The following DCX variants were observed in gnomAD, a reference collection of about 807,000 sequenced individuals.
The protein encoded by DCX is neuronal migration protein doublecortin.
In DCX, 4 loss-of-function variants were observed where a neutral mutation model predicts 20.9. The observed-to-expected ratio is 0.19, with a 90% confidence interval of 0.09 to 0.44. The LOEUF (loss-of-function observed/expected upper bound fraction) is 0.44, where lower values mean the gene tolerates loss of function less well. Ranked by LOEUF, DCX falls within the 20% of genes least tolerant of loss-of-function variation. DCX has a pLI of 0.99. For synonymous variants in DCX, 103 were observed against 111.4 expected (o/e 0.92, Z 0.47); for missense variants, 133 against 296.9 (o/e 0.45, Z 4.06).
intron 6 of DCX, among the ~76,000 whole-genome samples, chrX:111,310,006 T>A (rs914461366): frequency 1.8e-5 from 2 of 112,397 alleles, no homozygotes; most frequent in African/African-American, 6.5e-5. Context: ...TAAAGGGGCA[T>A]AATGTTTGCC....
chrX:111,333,660 GA>G (rs1452407877), intron 3 of DCX, among the ~76,000 whole-genome samples: 1 of 111,967 alleles, frequency 8.9e-6, no homozygotes, highest in African/African-American at 3.2e-5. Flanking sequence ...CACAAAAATT[GA>G]ACTTTTGCTA....
chrX:111,408,632 G>GAGAA (rs61699743), intron 2 of DCX, among the ~76,000 whole-genome samples: 16,107 of 77,858 alleles, frequency 0.21, 1,783 homozygotes, highest in East Asian at 0.27. Context: ...AGAAAGAAAA[G>GAGAA]AGAAAGAAAG....
intron 3 of DCX, among the ~76,000 whole-genome samples, chrX:111,346,322 T>C (rs1470999734): frequency 8.9e-6 from 1 of 112,134 alleles, no homozygotes; most frequent in Non-Finnish European, 1.9e-5. Context: ...AGACAACAGA[T>C]GAAAAGGATA....
Position 111,301,287 on chromosome X carries a change from G to GTT in DCX, c.*398_*399dup. The GTT allele has an allele frequency of 5.1e-5, 8 of 155,601 alleles. No individual in the cohort carries two copies. Among genetic ancestry groups the GTT allele is most frequent in the South Asian group, 1.6e-4 (1 of 6,265 alleles). The allele number at this position is 155,601 out of a possible 1,213,427, so 12.8% of individuals were successfully genotyped here. On this transcript the variant is annotated 3_prime_UTR_variant, in exon 7 of 7. Coordinates refer to ENST00000636035, the MANE Select transcript of DCX (RefSeq NM_001195553.2). ...TTGTCATTCTTGGATCTGCCAATGA[G>GTT]TTTTTTTTTTCCCACACAAACATTT...
Position 111,400,524 on chromosome X carries a change from G to A in DCX, c.705+466C>T, listed in dbSNP as rs775038203. Among the ~76,000 whole-genome samples the A allele has an allele frequency of 8.9e-5, 10 of 112,356 alleles. No individual in the cohort carries two copies. The East Asian group carries it at 1.4e-3, about 16-fold the overall frequency. On this transcript the variant is annotated intron_variant, in intron 3 of 6. Transcript: ENST00000636035. ...AGCCAGAGGCTTCAGTGCTTTCCCCGTATCTGACTTCTTTCAGAGCATATG... is the reference window on the plus strand; with the variant it reads ...AGCCAGAGGCTTCAGTGCTTTCCCCATATCTGACTTCTTTCAGAGCATATG...
chrX:111,342,396 G>A (rs1421644938), intron 3 of DCX, among the ~76,000 whole-genome samples: 30 of 66,990 alleles, frequency 4.5e-4, no homozygotes, highest in African/African-American at 1.5e-3. Flanking sequence ...TCCAATACAG[G>A]AGCATCCATA....
At chrX:111,336,342 T>G (rs1300594395) in intron 3 of DCX, among the ~76,000 whole-genome samples, 1 of 112,597 alleles carries the variant, frequency 8.9e-6, no homozygotes, top group East Asian at 2.8e-4. Context: ...CAAAGTCCCC[T>G]GTGCTTCTGA....
intron 5 of DCX, among the ~76,000 whole-genome samples, chrX:111,325,910 A>T (rs958818461): frequency 1.8e-5 from 2 of 111,907 alleles, no homozygotes; most frequent in Non-Finnish European, 3.8e-5. Flanking sequence ...TCTATTGAGC[A>T]GAGCTGGTCT....
At position 111,298,905 on chromosome X, in the gene DCX, C is replaced by T. The variant is rs1290140823; in HGVS notation, c.*2782G>A. On this transcript the variant is annotated 3_prime_UTR_variant, in exon 7 of 7. Transcript: ENST00000636035. ...CCCTTCTTTGTCCCTATTTCTATTTCTGTAGGGAAGAAAAATCAGGAGGTA... is the reference window on the plus strand; with the variant it reads ...CCCTTCTTTGTCCCTATTTCTATTTTTGTAGGGAAGAAAAATCAGGAGGTA... 3 of 110,775 alleles carry T rather than the reference C, an allele frequency of 2.7e-5. No individual in the cohort carries two copies. Among genetic ancestry groups the T allele is most frequent in the Non-Finnish European group, 5.7e-5 (3 of 52,953 alleles). 9.1% of individuals were successfully genotyped at this position (110,775 alleles called of 1,213,427 possible). A position where few individuals can be genotyped will look rare whatever the true frequency, so the allele number is the denominator to read the frequency against.
At chrX:111,353,392 T>C (rs1281410585) in intron 3 of DCX, among the ~76,000 whole-genome samples, 1 of 111,997 alleles carries the variant, frequency 8.9e-6, no homozygotes, top group Non-Finnish European at 1.9e-5. Flanking sequence ...TTGAAAATCA[T>C]TAGTGCTATA....
chrX:111,376,026 T>C (rs754886461), intron 3 of DCX, among the ~76,000 whole-genome samples: 1 of 112,542 alleles, frequency 8.9e-6, no homozygotes, highest in Non-Finnish European at 1.9e-5. Context: ...CTCTTGATTC[T>C]GCTTTCCTCC....
At chrX:111,381,448 A>G (rs1427903436) in intron 3 of DCX, among the ~76,000 whole-genome samples, 3 of 110,512 alleles carry the variant, frequency 2.7e-5, no homozygotes, top group Non-Finnish European at 5.7e-5. Context: ...TTATCTGTAC[A>G]TAATGGTATG....
In DCX at chrX:111,294,418, CTTTGGAT is replaced by C. The variant is rs1457709876; in HGVS notation, c.*7262_*7268del. The stretch of plus-strand genomic sequence containing the variant: ...GATAAGGGACATCACTACCTACTGT[CTTTGGAT>C]TACATGTGATTCTGAAAACTATTCA... On this transcript the variant is annotated 3_prime_UTR_variant, in exon 7 of 7. Coordinates refer to ENST00000636035, the MANE Select transcript of DCX (RefSeq NM_001195553.2). 9.0e-6 allele frequency: 1 copy of C among 111,246 alleles called. No individual in the cohort carries two copies. Among genetic ancestry groups the C allele is most frequent in the African/African-American group, 3.3e-5 (1 of 30,567 alleles). 9.2% of individuals were successfully genotyped at this position (111,246 alleles called of 1,213,427 possible). A position where few individuals can be genotyped will look rare whatever the true frequency, so the allele number is the denominator to read the frequency against.
In DCX at chrX:111,298,802, G is replaced by A. The variant is rs2095027197; in HGVS notation, c.*2885C>T. ...TTCCAAAACAGTGAAGAGAAAAGGAGCTTTTCTCTCAATTTACCCCTAGTT... is the reference window on the plus strand; with the variant it reads ...TTCCAAAACAGTGAAGAGAAAAGGAACTTTTCTCTCAATTTACCCCTAGTT... On this transcript the variant is annotated 3_prime_UTR_variant, in exon 7 of 7. Coordinates refer to ENST00000636035, the MANE Select transcript of DCX (RefSeq NM_001195553.2). 8.9e-6 allele frequency: 1 copy of A among 112,174 alleles called. No individual in the cohort carries two copies. The highest frequency in any genetic ancestry group is 3.8e-4 in the South Asian group (1 of 2,643). 9.2% of individuals were successfully genotyped at this position (112,174 alleles called of 1,213,427 possible).
At chrX:111,361,991 T>C (rs908953519) in intron 3 of DCX, among the ~76,000 whole-genome samples, 1 of 111,771 alleles carries the variant, frequency 8.9e-6, no homozygotes, top group Non-Finnish European at 1.9e-5. Context: ...TGGGTTCAGC[T>C]TGCTCCTTGT....
chrX:111,401,437 G>T, intron 2 of DCX, 107 bp from the exon 3 acceptor site: 1 of 741,609 alleles, frequency 1.3e-6, no homozygotes, highest in Non-Finnish European at 2.0e-6. Flanking sequence ...TTCAATAAAT[G>T]GTGATACTAA....
chrX:111,338,883 G>C lies in DCX; in HGVS notation c.706-5730C>G, dbSNP rs192522672. Among the ~76,000 whole-genome samples, 6 of 111,202 alleles carry C rather than the reference G, an allele frequency of 5.4e-5. No homozygotes were observed. In the East Asian group the frequency reaches 1.7e-3, roughly 32 times the overall value. On this transcript the variant is annotated intron_variant, in intron 3 of 6. Coordinates refer to ENST00000636035, the MANE Select transcript of DCX (RefSeq NM_001195553.2). ...TCTCCTCTCAACTCAATCCGATCAG[G>C]CTTCCATTCCCATTGCTCCACCAAG...
chrX:111,359,117 GA>G (rs200308214), intron 3 of DCX, among the ~76,000 whole-genome samples: 14 of 108,051 alleles, frequency 1.3e-4, no homozygotes, highest in East Asian at 2.9e-4. Flanking sequence ...ATAACATTTT[GA>G]AAAAAAAATC....
chrX:111,371,965 CACACTT>C (rs1925129264), intron 3 of DCX, among the ~76,000 whole-genome samples: 1 of 108,237 alleles, frequency 9.2e-6, no homozygotes, highest in African/African-American at 3.4e-5. Context: ...CACACACACA[CACACTT>C]CCCTAGAATT....
Sources: allele counts gnomAD v4.1 joint callset (sites outside exome capture counted in the v4.1 genomes callset), GRCh38; gene constraint gnomAD v4.1.1; transcripts MANE v1.5; gene names NCBI Gene and HGNC (gene_info 2026-07-23, HGNC 2026-07-21).